Variants in GALNT2 observed in about 807,000 individuals in gnomAD.
GALNT2 encodes UDP-GalNAc:polypeptide N-acetylgalactosaminyltransferase 2.
GALNT2 carries 31 observed loss-of-function variants against 81.4 expected under a neutral mutation model. The ratio of observed to expected loss-of-function variants is 0.38; its 90% confidence interval spans 0.29 to 0.51. The LOEUF is 0.51. GALNT2 is among the 20% of genes least tolerant of loss of function. GALNT2 has a pLI of 0.87. For synonymous variants in GALNT2, 303 were observed against 287.4 expected (o/e 1.05, Z -0.55); for missense variants, 629 against 765.7 (o/e 0.82, Z 2.11).
At chr1:230,233,958 AG>A (rs111616478) in intron 3 of GALNT2, among the ~76,000 whole-genome samples, 1,857 of 152,004 alleles carry the variant, frequency 0.012, 34 homozygotes, top group African/African-American at 0.043. Flanking sequence ...TTTCCTCCAC[AG>A]GGTCTCGGGG....
In GALNT2 at chr1:230,116,937, T is replaced by C. The variant is rs565057122; in HGVS notation, c.126+49531T>C. 1.7e-3 allele frequency among the ~76,000 whole-genome samples: 253 copies of C among 152,346 alleles called. 1 individual carries two copies. Among genetic ancestry groups the C allele is most frequent in the African/African-American group, 5.3e-3 (219 of 41,590 alleles). ...CTCTTACAGGAGAATCAGACTGTCC[T>C]TTGAGGCTTTGAAGCCAAGCATTGG... On this transcript the variant is annotated intron_variant, in intron 1 of 15. Transcript: ENST00000366672.
chr1:230,111,208 A>C (rs1453378969), intron 1 of GALNT2, among the ~76,000 whole-genome samples: 3 of 152,240 alleles, frequency 2.0e-5, no homozygotes, highest in African/African-American at 7.2e-5. Flanking sequence ...CTGCATGTAC[A>C]TGTGCGTACC....
At chr1:230,220,260 AT>A (rs1427173656) in intron 3 of GALNT2, among the ~76,000 whole-genome samples, 3 of 137,138 alleles carry the variant, frequency 2.2e-5, no homozygotes, top group South Asian at 2.3e-4. Flanking sequence ...TATGATACAG[AT>A]TTTTTTCCAA....
intron 1 of GALNT2, among the ~76,000 whole-genome samples, chr1:230,079,573 G>T (rs1659666197): frequency 6.6e-6 from 1 of 152,382 alleles, no homozygotes; most frequent in South Asian, 2.1e-4. Context: ...GAAACATCAG[G>T]TTACAAATAG....
At chr1:230,225,467 C>T (rs1344313297) in intron 3 of GALNT2, among the ~76,000 whole-genome samples, 1 of 152,166 alleles carries the variant, frequency 6.6e-6, no homozygotes, top group African/African-American at 2.4e-5. Context: ...TGGATCCAGT[C>T]TCCAGCTTGG....
intron 3 of GALNT2, among the ~76,000 whole-genome samples, chr1:230,220,614 G>A (rs946070773): frequency 6.6e-6 from 1 of 152,106 alleles, no homozygotes; most frequent in Non-Finnish European, 1.5e-5. Flanking sequence ...TCTCTCGGTA[G>A]CTGCTTTTAT....
chr1:230,163,325 C>T (rs566965606), intron 1 of GALNT2, among the ~76,000 whole-genome samples: 56 of 152,292 alleles, frequency 3.7e-4, no homozygotes, highest in South Asian at 6.2e-4. Context: ...CCATGGACTC[C>T]GTGGGGCTGA....
At chr1:230,114,550 T>C (rs754665) in intron 1 of GALNT2, among the ~76,000 whole-genome samples, 63,768 of 152,086 alleles carry the variant, frequency 0.42, 13,379 homozygotes, top group South Asian at 0.53. Flanking sequence ...CCGGCACTGC[T>C]GGGACATGAA....
chr1:230,143,481 G>A (rs1166418222), intron 1 of GALNT2, among the ~76,000 whole-genome samples: 2 of 152,232 alleles, frequency 1.3e-5, no homozygotes, highest in African/African-American at 2.4e-5. Flanking sequence ...GGGTCCTGAA[G>A]TCCCATGCAG....
At chr1:230,140,828 G>A (rs929389652) in intron 1 of GALNT2, among the ~76,000 whole-genome samples, 1 of 152,150 alleles carries the variant, frequency 6.6e-6, no homozygotes. Context: ...GTGACTCCCA[G>A]TAGTATATGC....
At chr1:230,278,888 G>A (rs917392066) in intron 15 of GALNT2, among the ~76,000 whole-genome samples, 1 of 152,228 alleles carries the variant, frequency 6.6e-6, no homozygotes, top group African/African-American at 2.4e-5. Context: ...ACAGCCAGGG[G>A]AGGATCTGGC....
intron 3 of GALNT2, among the ~76,000 whole-genome samples, chr1:230,232,079 A>G (rs1664882102): frequency 6.6e-6 from 1 of 152,310 alleles, no homozygotes; most frequent in Middle Eastern, 3.4e-3. Flanking sequence ...ACTGGTTGGC[A>G]GGGATATGGC....
At chr1:230,258,243 T>C (rs1444567460) in intron 11 of GALNT2, among the ~76,000 whole-genome samples, 2 of 147,000 alleles carry the variant, frequency 1.4e-5, no homozygotes, top group Non-Finnish European at 1.5e-5. Flanking sequence ...TTTTTTTCTT[T>C]TTTGAGACGG....
upstream of GALNT2, among the ~76,000 whole-genome samples, chr1:230,064,721 A>C (rs1263664909): frequency 2.0e-5 from 3 of 152,150 alleles, no homozygotes; most frequent in African/African-American, 4.8e-5. Flanking sequence ...CACTTTGGCC[A>C]GGCTGGTCTT....
intron 1 of GALNT2, among the ~76,000 whole-genome samples, chr1:230,113,536 G>T (rs1660761646): frequency 6.6e-6 from 1 of 152,190 alleles, no homozygotes; most frequent in Non-Finnish European, 1.5e-5. Context: ...AAACAGCCAT[G>T]TGGGACAACG....
At chr1:230,229,160 A>AT (rs1664800742) in intron 3 of GALNT2, among the ~76,000 whole-genome samples, 1 of 152,254 alleles carries the variant, frequency 6.6e-6, no homozygotes, top group South Asian at 2.1e-4. Context: ...CATAAACAAA[A>AT]TTAAAGCATC....
chr1:230,202,752 A>C (rs1239656796), intron 2 of GALNT2, among the ~76,000 whole-genome samples: 1 of 152,238 alleles, frequency 6.6e-6, no homozygotes, highest in African/African-American at 2.4e-5. Context: ...CAGTTTATAC[A>C]TGATCTTCTT....
chr1:230,137,466 T>A (rs56411650), intron 1 of GALNT2, among the ~76,000 whole-genome samples: 7,413 of 152,324 alleles, frequency 0.049, 211 homozygotes, highest in South Asian at 0.097. Flanking sequence ...CTGGCTTTGC[T>A]GAGAGGGTGC....
chr1:230,112,207 A>G (rs1243714157), intron 1 of GALNT2, among the ~76,000 whole-genome samples: 1 of 93,790 alleles, frequency 1.1e-5, no homozygotes, highest in Non-Finnish European at 2.3e-5. Context: ...CCCAGGACTC[A>G]TGTGTCTACC....
Sources: allele counts gnomAD v4.1 joint callset (sites outside exome capture counted in the v4.1 genomes callset), GRCh38; gene constraint gnomAD v4.1.1; transcripts MANE v1.5; gene names NCBI Gene and HGNC (gene_info 2026-07-23, HGNC 2026-07-21).